The following ITGB8 variants were observed in gnomAD, a reference collection of about 807,000 sequenced individuals.
ITGB8 encodes the protein integrin subunit beta 8, also known as integrin beta-8.
In ITGB8, 30 loss-of-function variants were observed where a neutral mutation model predicts 89.5. The observed-to-expected ratio is 0.34, with a 90% CI of 0.25 to 0.45. The LOEUF is 0.45. Ranked by LOEUF, ITGB8 falls within the 20% of genes least tolerant of loss-of-function variation. The probability of loss-of-function intolerance (pLI) is 1.00; values close to 1 mark genes in which losing one functional copy is unlikely to be tolerated. For missense variants in ITGB8, 836 were observed against 933.3 expected (o/e 0.90, Z 1.36); for synonymous variants, 335 against 320.4 (o/e 1.05, Z -0.49).
chr7:20,386,256 T>TTTTTTTTTA (rs1786612339), intron 6 of ITGB8, among the ~76,000 whole-genome samples: 1 of 151,492 alleles, frequency 6.6e-6, no homozygotes, highest in African/African-American at 2.4e-5. Flanking sequence ...TTTTTTTTTT[T>TTTTTTTTTA]GAGACGGAAT....
rs1333313660 is a variant in ITGB8, at chr7:20,401,960, T to C, written c.1521T>C (p.Ser507=). 6.2e-7 allele frequency: 1 copy of C among 1,614,090 alleles called. No individual in the cohort carries two copies. The highest frequency in any genetic ancestry group is 8.5e-7 in the Non-Finnish European group (1 of 1,180,026). ...GTCATTTTGATGAAGATCAGTTTTC[T>C]TCTGAGAGTTGCAAGTCACACAAGG... The part of the protein sequence containing the change: ...NKCHFDEDQF[S]SESCKSHKDQ... The change falls in exon 10 of 14, where the codon TCT becomes TCC. Residue 507 remains serine, a synonymous_variant. Transcript: ENST00000222573.
chr7:20,409,710 G>A lies in ITGB8; in HGVS notation c.2119G>A (p.Val707Met). 1 of 1,610,476 alleles carries A rather than the reference G, an allele frequency of 6.2e-7. No individual in the cohort carries two copies. The highest frequency in any genetic ancestry group is 8.5e-7 in the Non-Finnish European group (1 of 1,177,252). The change falls in exon 13 of 14, where the codon GTG becomes ATG. Residue 707 changes from valine (V) to methionine (M), a missense_variant. Physicochemically the swap from Val to Met is conservative, Grantham distance 21. Around this residue, in one of 5 missense-constraint regions of ITGB8, gnomAD observed 422 missense variants for 416.9 expected, o/e 1.01. Coordinates refer to ENST00000222573, the MANE Select transcript of ITGB8 (RefSeq NM_002214.3). The part of the protein sequence containing the change: ...GLLKVLIIRQ[V>M]ILQWNSNKIK... ...GCTTAAAGTCCTGATCATTAGACAGGTGATACTACAATGGAATAGTAATAA... is the reference window on the plus strand; with the variant it reads ...GCTTAAAGTCCTGATCATTAGACAGATGATACTACAATGGAATAGTAATAA...
At chr7:20,374,270 A>T (rs1786045669) in intron 3 of ITGB8, among the ~76,000 whole-genome samples, 1 of 152,246 alleles carries the variant, frequency 6.6e-6, no homozygotes, top group South Asian at 2.1e-4. Context: ...TGTTGAACCA[A>T]AATGTGCTTC....
intron 1 of ITGB8, among the ~76,000 whole-genome samples, chr7:20,360,554 G>C (rs1785461587): frequency 6.6e-6 from 1 of 151,840 alleles, no homozygotes; most frequent in African/African-American, 2.4e-5. Flanking sequence ...GTATGTCTTT[G>C]GGTACCTATA....
rs1424318190 is a variant in ITGB8 at position 20,404,637 on chromosome 7, A to T, written c.1697A>T (p.Glu566Val). 6.2e-7 allele frequency: 1 copy of T among 1,613,650 alleles called. No individual in the cohort carries two copies. The highest frequency in any genetic ancestry group is 8.5e-7 in the Non-Finnish European group (1 of 1,179,764). Residue 566 changes from glutamate to valine, a missense_variant, in exon 11 of 14, where the codon GAG (glutamate) becomes GTG (valine). Glu to Val is a moderately radical substitution (Grantham distance 121, BLOSUM62 -2). Transcript: ENST00000222573. The part of the protein sequence containing the change: ...HHGNLCAGHG[E>V]CEAGRCQCFS... ...GGTGTCTTCCTCACAGGGCATGGAG[A>T]GTGTGAAGCAGGCAGATGCCAATGC... is the stretch of plus-strand genomic sequence containing the variant.
chr7:20,377,356 C>T (rs796851540), intron 3 of ITGB8: 2 of 152,294 alleles, frequency 1.3e-5, no homozygotes, highest in South Asian at 2.1e-4. Flanking sequence ...CACTTTTCAT[C>T]AACAGCAGTT....
intron 1 of ITGB8, among the ~76,000 whole-genome samples, chr7:20,347,343 G>A (rs149756087): frequency 6.6e-6 from 1 of 152,176 alleles, no homozygotes; most frequent in Admixed American, 6.5e-5. Flanking sequence ...ATCAGCAAAA[G>A]AAACTGGCAA....
At chr7:20,330,299 G>A (rs975581787), upstream of ITGB8, among the ~76,000 whole-genome samples, 4 of 152,244 alleles carry the variant, frequency 2.6e-5, no homozygotes, top group Admixed American at 2.0e-4. Context: ...TGCAAGCAAA[G>A]TGCTGAGTAG....
Position 20,411,078 on chromosome 7 carries a change from C to T in ITGB8, c.*1081C>T, listed in dbSNP as rs1189682927. Reference sequence around the variant, plus strand: ...CTAAGGATGTTCTTTCCCAGAATCACTCCAACCCTTCTTGCCAGAATTCAT... The same window carrying T: ...CTAAGGATGTTCTTTCCCAGAATCATTCCAACCCTTCTTGCCAGAATTCAT... On this transcript the variant is annotated 3_prime_UTR_variant, in exon 14 of 14. Transcript: ENST00000222573. 1 of 151,454 alleles carries T rather than the reference C, an allele frequency of 6.6e-6. No homozygotes were observed. Among genetic ancestry groups the T allele is most frequent in the Non-Finnish European group, 1.5e-5 (1 of 67,890 alleles). 9.4% of individuals were successfully genotyped at this position (151,454 alleles called of 1,614,324 possible).
chr7:20,384,348 TTA>T (rs1402793955), intron 6 of ITGB8, among the ~76,000 whole-genome samples: 1 of 152,180 alleles, frequency 6.6e-6, no homozygotes, highest in Non-Finnish European at 1.5e-5. Flanking sequence ...AAAAAACCCT[TTA>T]TATGTCTAAA....
At chr7:20,382,137 G>T in intron 6 of ITGB8, 1 of 328,330 alleles carries the variant, frequency 3.0e-6, no homozygotes, top group East Asian at 5.2e-5. Context: ...TATAATTTTT[G>T]AAAATAAAAA....
At chr7:20,384,641 A>G (rs1786531248) in intron 6 of ITGB8, among the ~76,000 whole-genome samples, 1 of 152,234 alleles carries the variant, frequency 6.6e-6, no homozygotes, top group Non-Finnish European at 1.5e-5. Flanking sequence ...AGTTGGCCCT[A>G]GTCTGTCTCA....
chr7:20,350,032 A>G (rs1234900074), intron 1 of ITGB8, among the ~76,000 whole-genome samples: 1 of 152,218 alleles, frequency 6.6e-6, no homozygotes, highest in Admixed American at 6.5e-5. Flanking sequence ...GCCAAAACAC[A>G]AAACAGGGAA....
At chr7:20,384,498 C>T (rs1393914973) in intron 6 of ITGB8, among the ~76,000 whole-genome samples, 1 of 152,168 alleles carries the variant, frequency 6.6e-6, no homozygotes. Context: ...CTGCATACAG[C>T]ATCAAATTTA....
intron 12 of ITGB8, among the ~76,000 whole-genome samples, chr7:20,407,503 GTC>G (rs1339627894): frequency 6.6e-6 from 1 of 152,126 alleles, no homozygotes; most frequent in Non-Finnish European, 1.5e-5. Flanking sequence ...ATTATTTCAA[GTC>G]TCTCCCACCT....
chr7:20,410,064 T>G lies in ITGB8; in HGVS notation c.*67T>G. 6.6e-7 allele frequency: 1 copy of G among 1,526,178 alleles called. No individual in the cohort carries two copies. Among genetic ancestry groups the G allele is most frequent in the Non-Finnish European group, 8.9e-7 (1 of 1,123,322 alleles). The allele number at this position is 1,526,178 out of a possible 1,614,324, so 94.5% of individuals were successfully genotyped here. The stretch of plus-strand genomic sequence containing the variant: ...ATAATTGCTCCTAAAGATTATAATT[T>G]TAAAAGTCACAGGAGGAGACAAATT... On this transcript the variant is annotated 3_prime_UTR_variant, in exon 14 of 14. Transcript: ENST00000222573.
At chr7:20,344,067 G>T (rs1205079184) in intron 1 of ITGB8, among the ~76,000 whole-genome samples, 1 of 152,028 alleles carries the variant, frequency 6.6e-6, no homozygotes, top group Non-Finnish European at 1.5e-5. Flanking sequence ...GTTGCTATGG[G>T]GACAGAGAGG....
chr7:20,373,148 A>G (rs1179380845), intron 3 of ITGB8, among the ~76,000 whole-genome samples: 3 of 152,218 alleles, frequency 2.0e-5, no homozygotes, highest in Admixed American at 6.5e-5. Flanking sequence ...TTTCATGAAT[A>G]TATTTATTAC....
chr7:20,386,149 C>A (rs1272560409), intron 6 of ITGB8, among the ~76,000 whole-genome samples: 1 of 152,026 alleles, frequency 6.6e-6, no homozygotes, highest in Non-Finnish European at 1.5e-5. Flanking sequence ...CTTTTAAAAA[C>A]GATTGTTCCA....
Sources: gnomAD v4.1 joint callset for allele counts (sites outside exome capture counted in the v4.1 genomes callset) on GRCh38, gnomAD v4.1.1 for gene constraint, gnomAD v4.1.1 regional missense constraint, MANE v1.5 for transcripts, NCBI Gene and HGNC (gene_info 2026-07-23, HGNC 2026-07-21) for gene names.